ARHGAP44: variants seen among roughly 807,000 people sequenced by gnomAD.
ARHGAP44 encodes the protein Rho GTPase activating protein 44.
ARHGAP44 carries 43 observed loss-of-function variants against 106.8 expected under a neutral mutation model. The observed-to-expected ratio is 0.40, with a 90% CI of 0.32 to 0.52. The LOEUF (loss-of-function observed/expected upper bound fraction) is 0.52, where lower values mean the gene tolerates loss of function less well. ARHGAP44 is among the 20% of genes least tolerant of loss of function. The pLI, the probability that ARHGAP44 is intolerant of heterozygous loss-of-function variation, is 0.48. For missense variants in ARHGAP44, 866 were observed against 1,050.5 expected, an observed-to-expected ratio of 0.82 and a Z score of 2.43; for synonymous variants, 439 against 410.3, an observed-to-expected ratio of 1.07 and a Z score of -0.85.
chr17:12,983,723 G>T (rs2143438578), intron 19 of ARHGAP44, among the ~76,000 whole-genome samples: 1 of 152,246 alleles, frequency 6.6e-6, no homozygotes, highest in South Asian at 2.1e-4. Context: ...AGAATTGCTT[G>T]AACCTGGGAG....
intron 1 of ARHGAP44, among the ~76,000 whole-genome samples, chr17:12,854,199 C>T (rs1336740459): frequency 1.3e-5 from 2 of 152,170 alleles, no homozygotes; most frequent in African/African-American, 4.8e-5. Flanking sequence ...AAGAAAACTG[C>T]AGTTTCAAAC....
Position 12,894,932 on chromosome 17 carries a change from C to A in ARHGAP44, c.54-8C>A. The A allele has an allele frequency of 1.3e-6, 2 of 1,581,744 alleles. No homozygotes were observed. The highest frequency in any genetic ancestry group is 1.2e-5 in the South Asian group (1 of 86,254). On this transcript the variant is annotated splice_region_variant and splice_polypyrimidine_tract_variant and intron_variant, in intron 1 of 20. Transcript: ENST00000379672. ...TGTTACTGATATGTTTCTCAATGTT[C>A]TTTTTAGGGCTGAAAAGACAGAAGT...
intron 1 of ARHGAP44, among the ~76,000 whole-genome samples, chr17:12,807,488 C>T (rs558954629): frequency 1.1e-4 from 16 of 152,200 alleles, no homozygotes; most frequent in African/African-American, 2.4e-4. Flanking sequence ...ACAATCATGG[C>T]GGAAGGCAAA....
intron 16 of ARHGAP44, among the ~76,000 whole-genome samples, chr17:12,959,916 G>A (rs572964948): frequency 6.6e-6 from 1 of 152,336 alleles, no homozygotes; most frequent in East Asian, 1.9e-4. Context: ...GCTTGAAAAG[G>A]CCCATGGCCT....
chr17:12,853,798 C>A (rs192793569), intron 1 of ARHGAP44, among the ~76,000 whole-genome samples: 401 of 152,312 alleles, frequency 2.6e-3, no homozygotes, highest in Non-Finnish European at 4.4e-3. Flanking sequence ...CACTTCCTGA[C>A]AATTTCTGAT....
intron 1 of ARHGAP44, among the ~76,000 whole-genome samples, chr17:12,795,101 G>A (rs978726168): frequency 1.3e-5 from 2 of 152,178 alleles, no homozygotes; most frequent in East Asian, 3.9e-4. Flanking sequence ...CACAGGCCCT[G>A]CCATGGGCTT....
chr17:12,791,688 G>T (rs1016975521), intron 1 of ARHGAP44, among the ~76,000 whole-genome samples: 4 of 152,152 alleles, frequency 2.6e-5, no homozygotes, highest in Non-Finnish European at 4.4e-5. Context: ...AATGCAAAAT[G>T]GTGAGGGGAG....
chr17:12,921,503 C>T (rs765450058), intron 6 of ARHGAP44, among the ~76,000 whole-genome samples: 2 of 152,162 alleles, frequency 1.3e-5, no homozygotes, highest in Non-Finnish European at 2.9e-5. Flanking sequence ...TGTGCCACTA[C>T]ACCTGGCTAA....
intron 5 of ARHGAP44, 111 bp from the exon 6 acceptor site, chr17:12,919,644 C>G: frequency 3.5e-6 from 3 of 865,584 alleles, no homozygotes; most frequent in Non-Finnish European, 5.2e-6. Context: ...CCTTGGCCTC[C>G]CAAAGTGCTG....
chr17:12,908,975 TA>T lies in ARHGAP44; in HGVS notation c.275+4del. ...CCTGGGAGATGACACACTTCTTGGG[TA>T]AGGTGACACCTTGCGTGAGTTTGGT... On this transcript the variant is annotated splice_donor_region_variant and intron_variant, in intron 4 of 20. Transcript: ENST00000379672. 1 of 1,590,532 alleles carries T rather than the reference TA, an allele frequency of 6.3e-7. No homozygotes were observed.
intron 1 of ARHGAP44, among the ~76,000 whole-genome samples, chr17:12,844,984 G>A (rs1184156126): frequency 6.6e-6 from 1 of 152,112 alleles, no homozygotes; most frequent in Non-Finnish European, 1.5e-5. Context: ...CGAGAGTTAG[G>A]CTCAGATTTA....
At chr17:12,978,269 G>A (rs188643052) in intron 18 of ARHGAP44, among the ~76,000 whole-genome samples, 6 of 152,272 alleles carry the variant, frequency 3.9e-5, no homozygotes, top group Middle Eastern at 3.4e-3. Context: ...ATTGATGCCC[G>A]GGTACCTGGT....
At chr17:12,887,212 T>G (rs2036908306) in intron 1 of ARHGAP44, among the ~76,000 whole-genome samples, 1 of 152,158 alleles carries the variant, frequency 6.6e-6, no homozygotes, top group South Asian at 2.1e-4. Flanking sequence ...ATTGCTGAAT[T>G]ACATTTGCAT....
intron 1 of ARHGAP44, among the ~76,000 whole-genome samples, chr17:12,817,614 T>G (rs577918806): frequency 3.3e-5 from 5 of 152,100 alleles, no homozygotes; most frequent in African/African-American, 2.4e-5. Context: ...ATCGATAAAG[T>G]TGATCTGGCC....
intron 3 of ARHGAP44, 108 bp downstream of exon 3, chr17:12,896,619 C>T: frequency 1.1e-6 from 1 of 946,386 alleles, no homozygotes; most frequent in East Asian, 2.7e-5. Context: ...GCTTACGTGC[C>T]TGAGAATTGA....
chr17:12,931,060 T>TTTTTG (rs373863978), intron 7 of ARHGAP44, among the ~76,000 whole-genome samples: 2 of 152,180 alleles, frequency 1.3e-5, no homozygotes, highest in African/African-American at 2.4e-5. Flanking sequence ...TGTTTGTTTG[T>TTTTTG]TTTTGTTTTG....
chr17:12,949,391 T>C lies in ARHGAP44; in HGVS notation c.973+140T>C. 1 of 972,288 alleles carries C rather than the reference T, an allele frequency of 1.0e-6. No individual in the cohort carries two copies. Among genetic ancestry groups the C allele is most frequent in the Non-Finnish European group, 1.5e-6 (1 of 657,894 alleles). The allele number at this position is 972,288 out of a possible 1,614,324, so 60.2% of individuals were successfully genotyped here. On this transcript the variant is annotated intron_variant, in intron 11 of 20. Transcript: ENST00000379672. This position sits in a 1 kb window ranked among gnomAD's most constrained non-coding sequence, Gnocchi z 4.1. ...CAGATGTGTCCACTCAGTGCCCAGT[T>C]TCAGGGCTGGGTGCTCTGGCCCCTT... is the stretch of plus-strand genomic sequence containing the variant.
chr17:12,909,521 AAG>A (rs1193166997), intron 4 of ARHGAP44, among the ~76,000 whole-genome samples: 1 of 152,212 alleles, frequency 6.6e-6, no homozygotes, highest in African/African-American at 2.4e-5. Flanking sequence ...AGGCAAACCA[AAG>A]AGAACTTTCC....
rs899793341 is a variant in ARHGAP44 at position 12,974,208 on chromosome 17, C to T, written c.1661C>T (p.Ala554Val). The change falls in exon 18 of 21, where the codon GCG (alanine) becomes GTG (valine). Residue 554 changes from alanine to valine, a missense_variant. Ala to Val is a moderately conservative substitution (Grantham distance 64). Transcript: ENST00000379672. ...QPPAPPAELA[A>V]PLPSPLPEQP... ...CCCGCCCCGCCCGCCGAGCTGGCTG[C>T]GCCCCTGCCTTCGCCGCTGCCGGAG... 1.9e-6 allele frequency: 3 copies of T among 1,547,694 alleles called. No homozygotes were observed. Among genetic ancestry groups the T allele is most frequent in the African/African-American group, 1.4e-5 (1 of 73,062 alleles).
Sources: allele counts gnomAD v4.1 joint callset (sites outside exome capture counted in the v4.1 genomes callset), GRCh38; gene constraint gnomAD v4.1.1; non-coding constraint Gnocchi (gnomAD v3.1); transcripts MANE v1.5; gene names NCBI Gene and HGNC (gene_info 2026-07-23, HGNC 2026-07-21).